The following RFC2 variants were observed in gnomAD, a reference collection of about 807,000 sequenced individuals.
RFC2 encodes A1 40 kDa subunit.
Under a neutral mutation model 44.8 loss-of-function variants are expected in RFC2, and 34 were observed. The observed-to-expected ratio is 0.76, with a 90% confidence interval of 0.58 to 1.01. RFC2 has a LOEUF of 1.01. RFC2 is among the 50% of genes least tolerant of loss of function. The pLI is 0.00. For missense variants in RFC2, 400 were observed against 453.6 expected (o/e 0.88, Z 1.07); for synonymous variants, 177 against 168.9 (o/e 1.05, Z -0.37).
intron 2 of RFC2, among the ~76,000 whole-genome samples, chr7:74,251,179 T>C (rs1786915941): frequency 6.6e-6 from 1 of 152,064 alleles, no homozygotes; most frequent in Non-Finnish European, 1.5e-5. Context: ...AGTAAGGGTG[T>C]CCACTCTGTC....
intron 6 of RFC2, among the ~76,000 whole-genome samples, chr7:74,240,654 T>TG (rs1803284169): frequency 1.3e-5 from 2 of 152,110 alleles, no homozygotes; most frequent in African/African-American, 4.8e-5. Flanking sequence ...GAAATGATCC[T>TG]CCAGTAGAAA....
chr7:74,239,082 C>A, intron 7 of RFC2, 94 bp from the exon 8 acceptor site: 1 of 988,128 alleles, frequency 1.0e-6, no homozygotes, highest in South Asian at 1.4e-5. Context: ...AGGCTGGTCT[C>A]GAACTCCTGG....
At chr7:74,234,574 C>T (rs1038379914) in intron 10 of RFC2, among the ~76,000 whole-genome samples, 3 of 151,808 alleles carry the variant, frequency 2.0e-5, no homozygotes, top group East Asian at 3.9e-4. Flanking sequence ...CTAGTTTGGA[C>T]GTCTGTCCCC....
chr7:74,233,711 CT>C (rs1802856439), intron 10 of RFC2: 2 of 422,940 alleles, frequency 4.7e-6, no homozygotes, highest in Non-Finnish European at 9.8e-6. Flanking sequence ...AGCGATCCTC[CT>C]CCCTCAGCCG....
intron 9 of RFC2, 126 bp from the exon 10 acceptor site, chr7:74,235,771 C>A: frequency 1.5e-6 from 1 of 681,628 alleles, no homozygotes; most frequent in East Asian, 2.6e-5. Context: ...AACTGATTTT[C>A]ATGGCAGATA....
In RFC2 at chr7:74,231,970, G is replaced by A. The variant is rs1802749919; in HGVS notation, c.*136C>T. 6 of 647,948 alleles carry A rather than the reference G, an allele frequency of 9.3e-6. No homozygotes were observed. The highest frequency in any genetic ancestry group is 4.3e-4 in the Middle Eastern group (1 of 2,308). The allele number at this position is 647,948 out of a possible 1,614,324, so 40.1% of individuals were successfully genotyped here. On this transcript the variant is annotated 3_prime_UTR_variant, in exon 11 of 11. Coordinates refer to ENST00000055077, the MANE Select transcript of RFC2 (RefSeq NM_181471.3). ...GTTGGGATTACAGGCGTGAGCTACC[G>A]TGCCTGGCCAGCCACTGGAGTTTAA... is the stretch of plus-strand genomic sequence containing the variant.
chr7:74,248,326 G>A (rs1803738916), intron 4 of RFC2, among the ~76,000 whole-genome samples: 1 of 151,870 alleles, frequency 6.6e-6, no homozygotes, highest in African/African-American at 2.4e-5. Flanking sequence ...GCAACATAGT[G>A]AGATCCCGTC....
rs534923239 is a variant in RFC2, at chr7:74,240,088, A to G, written c.543T>C (p.Ile181=). Residue 181 remains isoleucine, a synonymous_variant, in exon 7 of 11, where the codon ATT becomes ATC. Transcript: ENST00000055077. ...CNASDKIIEP[I]QSRCAVLRYT... is the part of the protein sequence containing the mutation. ...ACCGGAGGACTGCACAGCGGGACTG[A>G]ATGGGCTCTGAACAGAGACGGGACA... 4.3e-6 allele frequency: 7 copies of G among 1,613,776 alleles called. No homozygotes were observed. The East Asian group carries it at 1.6e-4, about 36-fold the overall frequency.
In RFC2 at chr7:74,231,977, G is replaced by T. The variant is rs1194319346; in HGVS notation, c.*129C>A. On this transcript the variant is annotated 3_prime_UTR_variant, in exon 11 of 11. Coordinates refer to ENST00000055077, the MANE Select transcript of RFC2 (RefSeq NM_181471.3). ...TTACAGGCGTGAGCTACCGTGCCTG[G>T]CCAGCCACTGGAGTTTAAAGGACAG... 6 of 657,926 alleles carry T rather than the reference G, an allele frequency of 9.1e-6. No individual in the cohort carries two copies. The highest frequency in any genetic ancestry group is 1.6e-5 in the Non-Finnish European group (6 of 371,008). 40.8% of individuals were successfully genotyped at this position (657,926 alleles called of 1,614,324 possible).
chr7:74,251,525 C>T (rs1467791267), intron 2 of RFC2, among the ~76,000 whole-genome samples: 6 of 152,052 alleles, frequency 3.9e-5, no homozygotes, highest in African/African-American at 1.2e-4. Flanking sequence ...CAAGGCCGCT[C>T]GTGGTGGCTC....
intron 9 of RFC2, among the ~76,000 whole-genome samples, chr7:74,236,865 G>A (rs1460217345): frequency 2.6e-5 from 4 of 152,100 alleles, no homozygotes; most frequent in African/African-American, 9.7e-5. Flanking sequence ...AGGCTGAGGT[G>A]GGAGGATCGC....
intron 2 of RFC2, 74 bp downstream of exon 2, chr7:74,252,355 G>A (rs1375702346): frequency 3.8e-5 from 30 of 787,474 alleles, no homozygotes; most frequent in South Asian, 1.4e-4. Context: ...TGCAGTGAGC[G>A]GAGATCGCAC....
intron 6 of RFC2, among the ~76,000 whole-genome samples, chr7:74,242,408 T>C (rs1803382245): frequency 6.6e-6 from 1 of 152,154 alleles, no homozygotes; most frequent in Non-Finnish European, 1.5e-5. Context: ...AACATCAGGA[T>C]AAGCTCCAGT....
rs782077184 is a variant in RFC2 at position 74,231,538 on chromosome 7, T to C, written c.*568A>G. On this transcript the variant is annotated 3_prime_UTR_variant, in exon 11 of 11. Transcript: ENST00000055077. ...CACTGCAAGGCTTTATTAGCTAAAA[T>C]GTCAACCCACACACAGATCAGAGAC... is the stretch of plus-strand genomic sequence containing the variant. 1 of 152,308 alleles carries C rather than the reference T, an allele frequency of 6.6e-6. No individual in the cohort carries two copies. The highest frequency in any genetic ancestry group is 1.5e-5 in the Non-Finnish European group (1 of 68,138). 9.4% of individuals were successfully genotyped at this position (152,308 alleles called of 1,614,324 possible).
intron 10 of RFC2, among the ~76,000 whole-genome samples, chr7:74,233,491 G>A (rs191407822): frequency 6.6e-6 from 1 of 151,714 alleles, no homozygotes; most frequent in East Asian, 1.9e-4. Context: ...TGGCAAACGA[G>A]CACATGATTA....
intron 9 of RFC2, among the ~76,000 whole-genome samples, chr7:74,236,495 T>G (rs910728751): frequency 1.3e-5 from 2 of 152,216 alleles, no homozygotes; most frequent in Admixed American, 6.5e-5. Flanking sequence ...CACACCCATG[T>G]GGCTTGAGGT....
chr7:74,239,008 T>A lies in RFC2; in HGVS notation c.694-20A>T, dbSNP rs782520739. 5 of 1,599,064 alleles carry A rather than the reference T, an allele frequency of 3.1e-6. No homozygotes were observed. The African/African-American group carries it at 6.7e-5, about 21-fold the overall frequency. On this transcript the variant is annotated intron_variant, in intron 7 of 10. Coordinates refer to ENST00000055077, the MANE Select transcript of RFC2 (RefSeq NM_181471.3). ...CAGCGCCTGTTCAGGAGCAAACACA[T>A]GTCAAGGATGATTTTTATATTTATT...
chr7:74,252,835 T>C (rs1244701950), intron 1 of RFC2, among the ~76,000 whole-genome samples: 2 of 152,094 alleles, frequency 1.3e-5, no homozygotes, highest in Admixed American at 1.3e-4. Context: ...CTTGGGAGGC[T>C]AAGGCACAGT....
intron 3 of RFC2, chr7:74,249,370 G>C: frequency 1.8e-6 from 1 of 557,552 alleles, no homozygotes; most frequent in Non-Finnish European, 3.1e-6. Flanking sequence ...GCGAAACCCC[G>C]TCTCTACTAA....
Sources: gnomAD v4.1 joint callset for allele counts (sites outside exome capture counted in the v4.1 genomes callset) on GRCh38, gnomAD v4.1.1 for gene constraint, MANE v1.5 for transcripts, NCBI Gene and HGNC (gene_info 2026-07-23, HGNC 2026-07-21) for gene names.